Variants in WLS observed in about 807,000 individuals in gnomAD.
WLS encodes the protein protein wntless homolog.
Under a neutral mutation model 62.8 loss-of-function variants are expected in WLS, and 23 were observed. That is an observed-to-expected ratio of 0.37 (90% CI 0.26 to 0.52). WLS has a LOEUF of 0.52. WLS is among the 20% of genes least tolerant of loss of function. The probability of loss-of-function intolerance (pLI) is 0.92; values close to 1 mark genes in which losing one functional copy is unlikely to be tolerated. For missense variants in WLS, 615 were observed against 697.3 expected (o/e 0.88, Z 1.33); for synonymous variants, 246 against 244.1 (o/e 1.01, Z -0.07).
intron 11 of WLS, among the ~76,000 whole-genome samples, chr1:68,115,359 C>T (rs1055654195): frequency 3.9e-5 from 6 of 152,206 alleles, no homozygotes; most frequent in Admixed American, 1.3e-4. Context: ...GGATAAATTG[C>T]CCCTGCTTCT....
chr1:68,156,737 C>A (rs888433130), intron 3 of WLS, among the ~76,000 whole-genome samples: 5 of 152,162 alleles, frequency 3.3e-5, no homozygotes, highest in African/African-American at 1.2e-4. Context: ...AGCTGCAGGT[C>A]AGATGATTCT....
At chr1:68,227,023 G>A (rs1447987984) in intron 1 of WLS, among the ~76,000 whole-genome samples, 1 of 152,138 alleles carries the variant, frequency 6.6e-6, no homozygotes, top group Non-Finnish European at 1.5e-5. Context: ...ATTAGCTCAA[G>A]GAAATGTTTC....
At position 68,173,403 on chromosome 1, in the gene WLS, T is replaced by A. The variant is rs1647183402; in HGVS notation, c.380-14156A>T. Among the ~76,000 whole-genome samples, 3 of 140,310 alleles carry A rather than the reference T, an allele frequency of 2.1e-5. No individual in the cohort carries two copies. In the South Asian group the frequency reaches 7.3e-4, roughly 34 times the overall value. The allele number at this position is 140,310 out of a possible 152,430, so 92.0% of individuals were successfully genotyped here. A position where few individuals can be genotyped will look rare whatever the true frequency, so the allele number is the denominator to read the frequency against. On this transcript the variant is annotated intron_variant, in intron 2 of 11. Coordinates refer to ENST00000262348, the MANE Select transcript of WLS (RefSeq NM_024911.7). ...GATTTGATCGTTGTGAAAATCTACC[T>A]GCGTGCCCCTCTCTCTCTCTCTCTC...
intron 2 of WLS, among the ~76,000 whole-genome samples, chr1:68,169,948 GAGAC>G (rs1239809987): frequency 6.6e-6 from 1 of 152,150 alleles, no homozygotes; most frequent in African/African-American, 2.4e-5. Flanking sequence ...CTCAGCTTTG[GAGAC>G]AGACAGGCTG....
chr1:68,118,291 A>G (rs1646319866), intron 11 of WLS, among the ~76,000 whole-genome samples: 4 of 152,248 alleles, frequency 2.6e-5, no homozygotes, highest in Admixed American at 2.6e-4. Flanking sequence ...GCTCAGTGTT[A>G]CTGGTAATGA....
At chr1:68,098,745 G>C (rs1310497332) in exon 12 of WLS, 1 of 1,613,500 alleles carries the variant, frequency 6.2e-7, no homozygotes, top group Non-Finnish European at 8.5e-7. Flanking sequence ...TTACATGGGA[G>C]TTGCATTCCT....
intron 3 of WLS, among the ~76,000 whole-genome samples, chr1:68,158,853 G>C (rs1557484253): frequency 6.6e-6 from 1 of 151,980 alleles, no homozygotes; most frequent in African/African-American, 2.4e-5. Context: ...TCCTCTTTAG[G>C]AAAAAAATGG....
intron 11 of WLS, among the ~76,000 whole-genome samples, chr1:68,105,586 C>A (rs1483136210): frequency 1.3e-5 from 2 of 152,138 alleles, no homozygotes; most frequent in Non-Finnish European, 2.9e-5. Flanking sequence ...TCCAGGAAGT[C>A]CAAAACCCAA....
intron 7 of WLS, 107 bp downstream of exon 7, chr1:68,148,456 C>A: frequency 8.0e-7 from 1 of 1,254,118 alleles, no homozygotes. Context: ...GCTTCCAAAC[C>A]AAAGGTTCCC....
In WLS at chr1:68,159,240, A is replaced by G. The variant is rs756461463; in HGVS notation, c.387T>C (p.Asn129=). ...AFKLNNQIRE[N]AEVSMDVSLA... The stretch of plus-strand genomic sequence containing the variant: ...GGGAAACGTCCATGGAGACTTCTGC[A>G]TTTTCTCCTGCAAGAGAAAGGATGC... The change falls in exon 3 of 12, where the codon AAT becomes AAC. Residue 129 remains asparagine (N), a synonymous_variant. Transcript: ENST00000262348. 1.9e-6 allele frequency: 3 copies of G among 1,612,844 alleles called. No homozygotes were observed. The highest frequency in any genetic ancestry group is 2.5e-6 in the Non-Finnish European group (3 of 1,179,718).
intron 2 of WLS, among the ~76,000 whole-genome samples, chr1:68,172,319 A>AG: frequency 6.6e-6 from 1 of 152,014 alleles, no homozygotes; most frequent in Non-Finnish European, 1.5e-5. Context: ...ATTAAAAAAA[A>AG]AAAATACTCA....
chr1:68,157,432 T>A (rs1646914620), intron 3 of WLS, among the ~76,000 whole-genome samples: 1 of 152,214 alleles, frequency 6.6e-6, no homozygotes, highest in African/African-American at 2.4e-5. Context: ...TAGAGACTTT[T>A]CTTCATGCAC....
chr1:68,130,913 A>AGAT (rs1646510162), intron 11 of WLS, among the ~76,000 whole-genome samples: 2 of 56,982 alleles, frequency 3.5e-5, no homozygotes, highest in East Asian at 6.4e-4. Context: ...TTTTTTTTTT[A>AGAT]GATGGAGTCT....
At chr1:68,110,691 C>CTCTCTCTCTCTCT (rs1646216406) in intron 11 of WLS, among the ~76,000 whole-genome samples, 3 of 143,158 alleles carry the variant, frequency 2.1e-5, no homozygotes, top group African/African-American at 7.8e-5. Context: ...CTCTCTCTCT[C>CTCTCTCTCTCTCT]CATATATATA....
intron 2 of WLS, 131 bp downstream of exon 2, chr1:68,193,824 G>T (rs564394309): frequency 1.7e-6 from 2 of 1,197,118 alleles, no homozygotes; most frequent in African/African-American, 3.1e-5. Flanking sequence ...CACAGAAAGT[G>T]CCTGGGAAGT....
chr1:68,147,021 G>A (rs1646761421), intron 8 of WLS, among the ~76,000 whole-genome samples: 1 of 152,100 alleles, frequency 6.6e-6, no homozygotes, highest in South Asian at 2.1e-4. Context: ...GAGTAGCTGG[G>A]ATTACAGGGA....
rs111571227 is a variant in WLS at position 68,162,166 on chromosome 1, G to A, written c.380-2919C>T. The A allele has an allele frequency of 6.7e-4, 981 of 1,455,766 alleles. 13 individuals carry two copies. The South Asian group carries it at 9.3e-3, about 14-fold the overall frequency. The allele number at this position is 1,455,766 out of a possible 1,614,324, so 90.2% of individuals were successfully genotyped here. On this transcript the variant is annotated intron_variant, in intron 2 of 11. Transcript: ENST00000262348. ...GATAAGATTCGGTGCATCTTTCAACGGACCCTGAGCAAAGCTAAAGGGCTC... is the reference window on the plus strand; with the variant it reads ...GATAAGATTCGGTGCATCTTTCAACAGACCCTGAGCAAAGCTAAAGGGCTC...
chr1:68,162,347 T>C, intron 2 of WLS: 1 of 1,613,908 alleles, frequency 6.2e-7, no homozygotes, highest in Non-Finnish European at 8.5e-7. Flanking sequence ...AGGTGGTGGT[T>C]ATGTTCGTTG....
At chr1:68,153,398 G>C (rs1268380354) in intron 5 of WLS, 119 bp downstream of exon 5, 1 of 1,397,072 alleles carries the variant, frequency 7.2e-7, no homozygotes, top group East Asian at 2.3e-5. Context: ...ATGACTCCTG[G>C]TCAAATCACT....
Sources: allele counts gnomAD v4.1 joint callset (sites outside exome capture counted in the v4.1 genomes callset), GRCh38; gene constraint gnomAD v4.1.1; transcripts MANE v1.5; gene names NCBI Gene and HGNC (gene_info 2026-07-23, HGNC 2026-07-21).